Variants in NEGR1 observed in about 807,000 individuals in gnomAD.
NEGR1 encodes the protein IgLON family member 4.
In NEGR1, 10 loss-of-function variants were observed where a neutral mutation model predicts 40.9. The observed-to-expected ratio is 0.24, with a 90% confidence interval of 0.15 to 0.42. NEGR1 has a LOEUF of 0.42. Ranked by LOEUF, NEGR1 falls within the 10% of genes least tolerant of loss-of-function variation. The probability of loss-of-function intolerance (pLI) is 1.00; values close to 1 mark genes in which losing one functional copy is unlikely to be tolerated. For synonymous variants in NEGR1, 185 were observed against 166.8 expected (o/e 1.11, Z -0.84); for missense variants, 352 against 438.9 (o/e 0.80, Z 1.77).
In NEGR1 at chr1:71,698,157, G is replaced by A. The variant is rs561902724; in HGVS notation, c.536-18C>T. On this transcript the variant is annotated intron_variant, in intron 3 of 6. Transcript: ENST00000357731. ...TGGTTTTGCTATAAAAAAGAATACA[G>A]CATGTTTAATTGTAGCCGCCTGAGG... 91 of 1,606,198 alleles carry A rather than the reference G, an allele frequency of 5.7e-5. No homozygotes were observed. Among genetic ancestry groups the A allele is most frequent in the Non-Finnish European group, 5.6e-5 (66 of 1,175,440 alleles).
intron 2 of NEGR1, among the ~76,000 whole-genome samples, chr1:71,853,847 G>A (rs1570433764): frequency 1.3e-5 from 2 of 152,094 alleles, no homozygotes; most frequent in African/African-American, 4.8e-5. Flanking sequence ...TCTCACTTTG[G>A]TTATTAGCAT....
chr1:71,447,650 T>C (rs1646592101), intron 6 of NEGR1, among the ~76,000 whole-genome samples: 2 of 152,188 alleles, frequency 1.3e-5, no homozygotes, highest in Non-Finnish European at 2.9e-5. Context: ...CTAAGTACAG[T>C]TAATTTCATC....
intron 1 of NEGR1, among the ~76,000 whole-genome samples, chr1:72,011,461 G>T (rs1646656695): frequency 6.6e-6 from 1 of 152,106 alleles, no homozygotes; most frequent in Non-Finnish European, 1.5e-5. Flanking sequence ...AACTTGGAGG[G>T]TTCAAAGATT....
At chr1:71,545,768 T>G (rs1647874749) in intron 6 of NEGR1, among the ~76,000 whole-genome samples, 1 of 151,626 alleles carries the variant, frequency 6.6e-6, no homozygotes, top group South Asian at 2.1e-4. Context: ...TCAGGCTGTG[T>G]GTAGAGAAGT....
chr1:72,090,432 A>C (rs1385766596), intron 1 of NEGR1, among the ~76,000 whole-genome samples: 1 of 151,750 alleles, frequency 6.6e-6, no homozygotes, highest in Non-Finnish European at 1.5e-5. Context: ...TTTCTTTTGT[A>C]ATTAATATGT....
chr1:72,127,308 C>A (rs12736191), intron 1 of NEGR1, among the ~76,000 whole-genome samples: 4 of 151,142 alleles, frequency 2.6e-5, no homozygotes, highest in Non-Finnish European at 5.9e-5. Flanking sequence ...ACTAAAAAAA[C>A]AAAAAATTAG....
intron 3 of NEGR1, among the ~76,000 whole-genome samples, chr1:71,751,709 A>C (rs1380481): frequency 0.38 from 57,804 of 150,662 alleles, 11,354 homozygotes; most frequent in East Asian, 0.61. Flanking sequence ...ACTCCAAGCT[A>C]CCTTTCCAAA....
At chr1:71,867,430 T>C (rs1660150791) in intron 2 of NEGR1, among the ~76,000 whole-genome samples, 1 of 152,188 alleles carries the variant, frequency 6.6e-6, no homozygotes, top group African/African-American at 2.4e-5. Context: ...ATCAAAATTG[T>C]TTCATTATTA....
chr1:72,078,704 A>C (rs899211008), intron 1 of NEGR1, among the ~76,000 whole-genome samples: 3 of 148,614 alleles, frequency 2.0e-5, no homozygotes, highest in African/African-American at 7.5e-5. Flanking sequence ...CAATGGCGTG[A>C]TTTCGGCTCA....
chr1:72,054,875 T>A (rs189174701), intron 1 of NEGR1, among the ~76,000 whole-genome samples: 2 of 151,226 alleles, frequency 1.3e-5, no homozygotes, highest in East Asian at 3.9e-4. Context: ...TTTGAGAAGT[T>A]ATGATTTATA....
intron 1 of NEGR1, among the ~76,000 whole-genome samples, chr1:72,217,957 T>C (rs1405553056): frequency 6.6e-6 from 1 of 151,854 alleles, no homozygotes; most frequent in Non-Finnish European, 1.5e-5. Context: ...TAGTTGGGCA[T>C]GTTATCATTT....
chr1:71,842,611 C>A (rs573481215), intron 2 of NEGR1, among the ~76,000 whole-genome samples: 5 of 152,150 alleles, frequency 3.3e-5, no homozygotes, highest in Non-Finnish European at 5.9e-5. Context: ...CACTTTCTTG[C>A]ATGCATTTTA....
At chr1:71,721,096 C>T (rs1049607622) in intron 3 of NEGR1, among the ~76,000 whole-genome samples, 2 of 152,124 alleles carry the variant, frequency 1.3e-5, no homozygotes, top group African/African-American at 4.8e-5. Flanking sequence ...ATTGACCCTG[C>T]CAAATATTTA....
chr1:72,067,781 A>C (rs2100504700), intron 1 of NEGR1, among the ~76,000 whole-genome samples: 1 of 152,274 alleles, frequency 6.6e-6, no homozygotes, highest in East Asian at 1.9e-4. Context: ...ATTTTTCTTA[A>C]GACATAGGAA....
intron 1 of NEGR1, among the ~76,000 whole-genome samples, chr1:72,243,770 A>T (rs2100518346): frequency 6.6e-6 from 1 of 151,950 alleles, no homozygotes; most frequent in East Asian, 1.9e-4. Context: ...GATTATATGC[A>T]TTAAGAGCCT....
intron 3 of NEGR1, among the ~76,000 whole-genome samples, chr1:71,763,510 G>A (rs10889932): frequency 0.41 from 62,988 of 151,942 alleles, 13,184 homozygotes; most frequent in East Asian, 0.64. Flanking sequence ...ATATTTATTT[G>A]GGTTAATTTA....
At chr1:71,955,819 C>T (rs2554411) in intron 1 of NEGR1, among the ~76,000 whole-genome samples, 45,809 of 151,928 alleles carry the variant, frequency 0.3, 7,795 homozygotes, top group African/African-American at 0.47. Context: ...GCCGATAGCA[C>T]GAAATTAAGT....
At chr1:71,675,842 C>T (rs756013179) in intron 4 of NEGR1, among the ~76,000 whole-genome samples, 34 of 151,626 alleles carry the variant, frequency 2.2e-4, no homozygotes, top group Non-Finnish European at 3.2e-4. Flanking sequence ...TGCTCTGTCA[C>T]CCAGGCTGGA....
chr1:72,022,855 G>C (rs2100423433), intron 1 of NEGR1, among the ~76,000 whole-genome samples: 1 of 152,184 alleles, frequency 6.6e-6, no homozygotes, highest in East Asian at 1.9e-4. Flanking sequence ...ATAATTGTTT[G>C]GCAAGGTTGC....
Sources: allele counts gnomAD v4.1 joint callset (sites outside exome capture counted in the v4.1 genomes callset), GRCh38; gene constraint gnomAD v4.1.1; transcripts MANE v1.5; gene names NCBI Gene and HGNC (gene_info 2026-07-23, HGNC 2026-07-21).